The following MASP2 variants were observed in gnomAD, a reference collection of about 807,000 sequenced individuals.
MASP2 encodes mannan-binding lectin serine protease 2.
Under a neutral mutation model 57.1 loss-of-function variants are expected in MASP2, and 49 were observed. That is an observed-to-expected ratio of 0.86 (90% CI 0.68 to 1.09). The LOEUF (loss-of-function observed/expected upper bound fraction) is 1.09, where lower values mean the gene tolerates loss of function less well. Ranked by LOEUF, MASP2 falls within the 50% of genes least tolerant of loss-of-function variation. MASP2 has a pLI of 0.00. For synonymous variants in MASP2, 379 were observed against 340.8 expected (o/e 1.11, Z -1.24); for missense variants, 900 against 874.8 (o/e 1.03, Z -0.36).
At position 11,033,284 on chromosome 1, in the gene MASP2, C is replaced by T. The variant is rs368174011; in HGVS notation, c.1087+1544G>A. 9.3e-5 allele frequency among the ~76,000 whole-genome samples: 14 copies of T among 150,874 alleles called. No homozygotes were observed. In the East Asian group the frequency reaches 2.8e-3, roughly 30 times the overall value. Reference sequence around the variant, plus strand: ...CAGAGGTTGCGGTGAGCCAAGATCACGCCATTGTACTCCAGCCTGGGCAAC... The same window carrying T: ...CAGAGGTTGCGGTGAGCCAAGATCATGCCATTGTACTCCAGCCTGGGCAAC... On this transcript the variant is annotated intron_variant, in intron 8 of 10. Transcript: ENST00000400897.
At chr1:11,038,473 G>A (rs376444394) in intron 6 of MASP2, among the ~76,000 whole-genome samples, 61 of 152,268 alleles carry the variant, frequency 4.0e-4, no homozygotes, top group African/African-American at 1.3e-3. Flanking sequence ...CCCCTCATGA[G>A]CTGCATTCCA....
rs1570731094 is a variant in MASP2, at chr1:11,026,789, T to A, written c.*96A>T. ...TTTGGGTGGAGCAACAACTGCCATG[T>A]CCACAGTAATGATGAATGCTTCTCG... On this transcript the variant is annotated 3_prime_UTR_variant, in exon 11 of 11. Coordinates refer to ENST00000400897, the MANE Select transcript of MASP2 (RefSeq NM_006610.4). 9.5e-7 allele frequency: 1 copy of A among 1,058,092 alleles called. No homozygotes were observed. The highest frequency in any genetic ancestry group is 2.8e-5 in the East Asian group (1 of 35,354). The allele number at this position is 1,058,092 out of a possible 1,614,324, so 65.5% of individuals were successfully genotyped here.
chr1:11,037,246 C>T (rs999627562), intron 7 of MASP2, among the ~76,000 whole-genome samples: 1 of 148,810 alleles, frequency 6.7e-6, no homozygotes, highest in African/African-American at 2.6e-5. Flanking sequence ...GGGGCTACTA[C>T]CTCATCTAAT....
chr1:11,045,603 C>G, intron 3 of MASP2, 64 bp from the exon 4 acceptor site: 1 of 1,518,242 alleles, frequency 6.6e-7, no homozygotes, highest in Non-Finnish European at 8.8e-7. Flanking sequence ...AGCCTGGACT[C>G]CTCCCAGGAG....
In MASP2 at chr1:11,046,590, C is replaced by T. The variant is rs371244593; in HGVS notation, c.378G>A (p.Pro126=). 56 of 1,613,754 alleles carry T rather than the reference C, an allele frequency of 3.5e-5. No homozygotes were observed. The highest frequency in any genetic ancestry group is 4.2e-5 in the Non-Finnish European group (50 of 1,180,024). ...TFRSDYSNEK[P]FTGFEAFYAA... ...CATAGAAGGCCTCGAACCCCGTGAA[C>T]GGCTTCTCGTTGGAGTAGTCGGAGC... Residue 126 remains proline, a synonymous_variant, in exon 3 of 11, where the codon CCG becomes CCA. Coordinates refer to ENST00000400897, the MANE Select transcript of MASP2 (RefSeq NM_006610.4).
At chr1:11,034,950 TAAAA>T in intron 7 of MASP2, 44 bp from the exon 8 acceptor site, 1 of 1,365,194 alleles carries the variant, frequency 7.3e-7, no homozygotes, top group Non-Finnish European at 1.0e-6. Context: ...GTTTATATCA[TAAAA>T]TCACTCCCCA....
chr1:11,034,965 A>C, intron 7 of MASP2, 59 bp from the exon 8 acceptor site: 2 of 1,252,902 alleles, frequency 1.6e-6, no homozygotes, highest in Non-Finnish European at 2.3e-6. Flanking sequence ...TCACTCCCCA[A>C]AGCTGTGCTC....
chr1:11,027,427 G>T lies in MASP2; in HGVS notation c.1519C>A (p.Pro507Thr). 1.2e-6 allele frequency: 2 copies of T among 1,614,192 alleles called. No individual in the cohort carries two copies. Among genetic ancestry groups the T allele is most frequent in the Non-Finnish European group, 1.7e-6 (2 of 1,180,032 alleles). ...IRMGTLKRLS[P>T]HYTQAWSEAV... ...TCAGACCAGGCTTGTGTATAATGAGGTGATAGTCTTTTCAGGGTGCCCATT... is the reference window on the plus strand; with the variant it reads ...TCAGACCAGGCTTGTGTATAATGAGTTGATAGTCTTTTCAGGGTGCCCATT... The change falls in exon 11 of 11, where the codon CCT (proline) becomes ACT (threonine). Residue 507 changes from proline to threonine, a missense_variant. Pro to Thr is a conservative substitution (Grantham distance 38, BLOSUM62 -1). Coordinates refer to ENST00000400897, the MANE Select transcript of MASP2 (RefSeq NM_006610.4).
chr1:11,047,185 C>T lies in MASP2; in HGVS notation c.5+18G>A, dbSNP rs762875326. On this transcript the variant is annotated intron_variant, in intron 1 of 10. Coordinates refer to ENST00000400897, the MANE Select transcript of MASP2 (RefSeq NM_006610.4). Reference sequence around the variant, plus strand: ...TCCCACCCCACACCCTGCAGGGAGGCTGTGGGCGCCCACCTACCTCATGGT... The same window carrying T: ...TCCCACCCCACACCCTGCAGGGAGGTTGTGGGCGCCCACCTACCTCATGGT... 1 of 1,560,430 alleles carries T rather than the reference C, an allele frequency of 6.4e-7. No individual in the cohort carries two copies.
rs1325694471 is a variant in MASP2, at chr1:11,030,198, T to C, written c.1275A>G (p.Lys425=). 6.2e-7 allele frequency: 1 copy of C among 1,612,992 alleles called. No homozygotes were observed. The highest frequency in any genetic ancestry group is 2.2e-5 in the East Asian group (1 of 44,816). ...TACCAGGCTCACAGACTGGGAGTGA[T>C]TTTTCTCCTTTGGAGCTCGTCCAGA... is the stretch of plus-strand genomic sequence containing the variant. ...DGFWTSSKGE[K]SLPVCEPVCG... Residue 425 remains lysine, a synonymous_variant, in exon 10 of 11, where the codon AAA becomes AAG. Transcript: ENST00000400897.
rs1638499820 is a variant in MASP2 at position 11,042,779 on chromosome 1, GGCCCAGAAGGA to G, written c.889+85_889+95del. The G allele has an allele frequency of 2.8e-6, 4 of 1,410,804 alleles. No individual in the cohort carries two copies. In the Admixed American group the frequency reaches 7.7e-5, roughly 27 times the overall value. The allele number at this position is 1,410,804 out of a possible 1,614,324, so 87.4% of individuals were successfully genotyped here. Reference sequence around the variant, plus strand: ...AAACCTGGTGTCCCTTCCTAGTCCTGGCCCAGAAGGAGCCCTACACTCTACAGCTCCTTGAC... The same window carrying G: ...AAACCTGGTGTCCCTTCCTAGTCCTGGCCCTACACTCTACAGCTCCTTGAC... On this transcript the variant is annotated intron_variant, in intron 6 of 10. Coordinates refer to ENST00000400897, the MANE Select transcript of MASP2 (RefSeq NM_006610.4).
At position 11,043,332 on chromosome 1, in the gene MASP2, G is replaced by T; in HGVS notation, c.741+7C>A. The T allele has an allele frequency of 6.2e-7, 1 of 1,600,498 alleles. No individual in the cohort carries two copies. The stretch of plus-strand genomic sequence containing the variant: ...CTGGGACAAGATGAGGGGCCCAGGA[G>T]CCAGACCTTGAGAAAGTCGTAGGGA... On this transcript the variant is annotated splice_region_variant and intron_variant, in intron 5 of 10. Transcript: ENST00000400897.
chr1:11,046,269 T>C, intron 3 of MASP2: 1 of 479,124 alleles, frequency 2.1e-6, no homozygotes, highest in South Asian at 2.1e-5. Flanking sequence ...AGCCTCGGCC[T>C]CCCAAAGTGC....
Position 11,046,965 on chromosome 1 carries a change from C to G in MASP2, c.160G>C (p.Gly54Arg), listed in dbSNP as rs146071877. The change falls in exon 2 of 11, where the codon GGC becomes CGC. Residue 54 changes from glycine to arginine, a missense_variant. Transcript: ENST00000400897. The part of the protein sequence containing the change: ...ERRWTLTAPP[G>R]YRLRLYFTHF... ...GTGAAGTAGAGGCGCAGGCGGTAGC[C>G]GGGGGGTGCAGTCAGGGTCCAGCGC... is the stretch of plus-strand genomic sequence containing the variant. 2 of 1,563,600 alleles carry G rather than the reference C, an allele frequency of 1.3e-6. No individual in the cohort carries two copies. Among genetic ancestry groups the G allele is most frequent in the Non-Finnish European group, 8.7e-7 (1 of 1,153,722 alleles).
intron 7 of MASP2, among the ~76,000 whole-genome samples, chr1:11,035,237 A>T (rs370443398): frequency 4.5e-4 from 69 of 152,184 alleles, no homozygotes; most frequent in African/African-American, 1.5e-3. Flanking sequence ...AACATATCAG[A>T]TCTCAGCCAG....
At chr1:11,039,138 T>C (rs1250583420) in intron 6 of MASP2, among the ~76,000 whole-genome samples, 1 of 152,136 alleles carries the variant, frequency 6.6e-6, no homozygotes, top group Non-Finnish European at 1.5e-5. Flanking sequence ...AGCCCCTGTC[T>C]GGTGAGGTCC....
At chr1:11,042,395 AT>A (rs1400737376) in intron 6 of MASP2, among the ~76,000 whole-genome samples, 2 of 125,766 alleles carry the variant, frequency 1.6e-5, no homozygotes, top group African/African-American at 6.0e-5. Flanking sequence ...GGATAGATGG[AT>A]TGGATGGATG....
chr1:11,036,077 G>T (rs1015250543), intron 7 of MASP2, among the ~76,000 whole-genome samples: 1 of 152,268 alleles, frequency 6.6e-6, no homozygotes, highest in Admixed American at 6.5e-5. Context: ...CACCGCCAGC[G>T]TCATTCACAG....
intron 2 of MASP2, 57 bp from the exon 3 acceptor site, chr1:11,046,790 T>C: frequency 6.4e-7 from 1 of 1,564,382 alleles, no homozygotes; most frequent in East Asian, 2.3e-5. Context: ...ATCTCCCTCC[T>C]GGCCAAGCCT....
Sources: allele counts gnomAD v4.1 joint callset (sites outside exome capture counted in the v4.1 genomes callset), GRCh38; gene constraint gnomAD v4.1.1; transcripts MANE v1.5; gene names NCBI Gene and HGNC (gene_info 2026-07-23, HGNC 2026-07-21).